Variants in KHDRBS3 observed in about 807,000 individuals in gnomAD.
The protein encoded by KHDRBS3 is KH RNA binding domain containing, signal transduction associated 3.
KHDRBS3 carries 23 observed loss-of-function variants against 45.6 expected under a neutral mutation model. The ratio of observed to expected loss-of-function variants is 0.50; its 90% CI spans 0.36 to 0.72. The LOEUF (loss-of-function observed/expected upper bound fraction) is 0.72. Among genes scored for constraint, KHDRBS3 ranks in the 30% least tolerant of loss-of-function variants. KHDRBS3 has a pLI of 0.00. For synonymous variants in KHDRBS3, 162 were observed against 156.5 expected (o/e 1.04, Z -0.26); for missense variants, 352 against 424.8 (o/e 0.83, Z 1.51).
At chr8:135,540,642 A>C (rs1586689033) in intron 2 of KHDRBS3, 1 of 152,364 alleles carries the variant, frequency 6.6e-6, no homozygotes, top group East Asian at 1.9e-4. Flanking sequence ...TAGTGATGGG[A>C]TTCCCAGTAT....
chr8:135,594,826 T>C (rs1163345941), intron 6 of KHDRBS3, among the ~76,000 whole-genome samples: 1 of 152,196 alleles, frequency 6.6e-6, no homozygotes, highest in Non-Finnish European at 1.5e-5. Context: ...GAAAAATGTC[T>C]GACACATTTG....
chr8:135,502,218 T>C (rs1823771552), intron 1 of KHDRBS3, among the ~76,000 whole-genome samples: 1 of 152,196 alleles, frequency 6.6e-6, no homozygotes, highest in Admixed American at 6.5e-5. Flanking sequence ...TTCCCAGTCC[T>C]GTCATAAAGG....
At chr8:135,553,028 C>T (rs1826688087) in intron 4 of KHDRBS3, among the ~76,000 whole-genome samples, 1 of 152,172 alleles carries the variant, frequency 6.6e-6, no homozygotes, top group Non-Finnish European at 1.5e-5. Context: ...GAGAGCTTTG[C>T]CTCACTCTCT....
chr8:135,542,850 A>G (rs1433650534), intron 3 of KHDRBS3, 80 bp downstream of exon 3: 5 of 936,368 alleles, frequency 5.3e-6, no homozygotes, highest in South Asian at 3.1e-5. Context: ...GTATTCATAC[A>G]TAGTTACATA....
intron 6 of KHDRBS3, among the ~76,000 whole-genome samples, chr8:135,588,190 A>G (rs75504265): frequency 0.017 from 2,541 of 152,296 alleles, 61 homozygotes; most frequent in African/African-American, 0.058. Context: ...AAATTCCCAC[A>G]ACCCCTTTCT....
At chr8:135,609,761 A>T (rs567114614) in intron 7 of KHDRBS3, among the ~76,000 whole-genome samples, 1 of 151,978 alleles carries the variant, frequency 6.6e-6, no homozygotes, top group Admixed American at 6.5e-5. Context: ...AGACGTCGTT[A>T]TGCAGCACGT....
intron 1 of KHDRBS3, among the ~76,000 whole-genome samples, chr8:135,460,913 G>A (rs111727330): frequency 1.3e-4 from 20 of 152,268 alleles, no homozygotes; most frequent in Middle Eastern, 3.4e-3. Context: ...CTTCCTAACT[G>A]AATTACTCTT....
At chr8:135,637,347 T>A (rs1224253185) in intron 7 of KHDRBS3, among the ~76,000 whole-genome samples, 1 of 152,228 alleles carries the variant, frequency 6.6e-6, no homozygotes, top group Non-Finnish European at 1.5e-5. Flanking sequence ...CAAAGGCTCC[T>A]TCTAAATAGA....
chr8:135,604,599 G>A (rs1330935495), intron 6 of KHDRBS3, among the ~76,000 whole-genome samples: 1 of 149,778 alleles, frequency 6.7e-6, no homozygotes, highest in Non-Finnish European at 1.5e-5. Context: ...TGCTTTCTCA[G>A]AATTAAACCA....
intron 1 of KHDRBS3, among the ~76,000 whole-genome samples, chr8:135,484,907 T>A (rs2130356559): frequency 6.6e-6 from 1 of 152,256 alleles, no homozygotes; most frequent in East Asian, 1.9e-4. Context: ...AAATGCTAGC[T>A]ATTATTATTA....
intron 1 of KHDRBS3, among the ~76,000 whole-genome samples, chr8:135,477,972 G>T (rs918048736): frequency 6.6e-6 from 1 of 152,180 alleles, no homozygotes; most frequent in Non-Finnish European, 1.5e-5. Flanking sequence ...CCACCTGAGC[G>T]CTGCCTCCTG....
At chr8:135,512,436 G>A (rs572000130) in intron 1 of KHDRBS3, among the ~76,000 whole-genome samples, 3 of 129,978 alleles carry the variant, frequency 2.3e-5, no homozygotes, top group Non-Finnish European at 4.9e-5. Flanking sequence ...AGTCGGGGGG[G>A]GGGTAATAAC....
At chr8:135,557,992 C>T (rs1038616622) in intron 5 of KHDRBS3, among the ~76,000 whole-genome samples, 1 of 152,104 alleles carries the variant, frequency 6.6e-6, no homozygotes, top group African/African-American at 2.4e-5. Flanking sequence ...TGTAATATTA[C>T]TTCTTAAATT....
At chr8:135,556,657 A>G (rs778564290) in intron 4 of KHDRBS3, among the ~76,000 whole-genome samples, 7 of 152,182 alleles carry the variant, frequency 4.6e-5, no homozygotes, top group Admixed American at 3.9e-4. Context: ...ATCCTGAGGC[A>G]GGACTTCTTG....
At chr8:135,527,232 G>A (rs913806908) in intron 2 of KHDRBS3, among the ~76,000 whole-genome samples, 1 of 152,038 alleles carries the variant, frequency 6.6e-6, no homozygotes, top group East Asian at 1.9e-4. Flanking sequence ...GTTTTTTTTG[G>A]TGAATGCAGA....
At chr8:135,517,879 A>T (rs1169261500) in intron 1 of KHDRBS3, among the ~76,000 whole-genome samples, 1 of 152,242 alleles carries the variant, frequency 6.6e-6, no homozygotes, top group African/African-American at 2.4e-5. Flanking sequence ...GAAACAGTGC[A>T]TTCTAGCAAC....
intron 7 of KHDRBS3, among the ~76,000 whole-genome samples, chr8:135,642,875 G>C (rs187997949): frequency 6.6e-6 from 1 of 150,556 alleles, no homozygotes; most frequent in Non-Finnish European, 1.5e-5. Context: ...TCACTGCAAC[G>C]TCCGCCTCCT....
chr8:135,476,587 C>T (rs1056314063), intron 1 of KHDRBS3, among the ~76,000 whole-genome samples: 5 of 152,138 alleles, frequency 3.3e-5, no homozygotes, highest in African/African-American at 1.2e-4. Flanking sequence ...TCTGCCTTTT[C>T]GTGCTAGGTG....
rs138547769 is a variant in KHDRBS3, at chr8:135,558,565, G to A, written c.611+978G>A. 8.1e-4 allele frequency among the ~76,000 whole-genome samples: 124 copies of A among 152,206 alleles called. 2 individuals carry two copies. In the Middle Eastern group the frequency reaches 0.014, roughly 17 times the overall value. On this transcript the variant is annotated intron_variant, in intron 5 of 8. Coordinates refer to ENST00000355849, the MANE Select transcript of KHDRBS3 (RefSeq NM_006558.3). ...AGTTATGCAAGAAACATAGATATGG[G>A]TATGATACCTATGGATTTTTCTCTA...
Sources: gnomAD v4.1 joint callset for allele counts (sites outside exome capture counted in the v4.1 genomes callset) on GRCh38, gnomAD v4.1.1 for gene constraint, MANE v1.5 for transcripts, NCBI Gene and HGNC (gene_info 2026-07-23, HGNC 2026-07-21) for gene names.